TMPRSS15: variants seen among roughly 807,000 people sequenced by gnomAD.
The protein encoded by TMPRSS15 is enteropeptidase.
A neutral mutation model predicts 125.3 loss-of-function variants in TMPRSS15; 128 were observed. That is an observed-to-expected ratio of 1.02 (90% CI 0.89 to 1.18). TMPRSS15 has a LOEUF of 1.18. TMPRSS15 is among the 50% of genes most tolerant of loss of function. The pLI, the probability that TMPRSS15 is intolerant of heterozygous loss-of-function variation, is 0.00. For missense variants in TMPRSS15, 1,283 were observed against 1,212.7 expected (o/e 1.06, Z -0.86); for synonymous variants, 446 against 423.2 (o/e 1.05, Z -0.66).
rs754490153 is a variant in TMPRSS15 at position 18,372,284 on chromosome 21, A to T, written c.573T>A (p.Cys191Ter). The T allele has an allele frequency of 6.2e-7, 1 of 1,613,510 alleles. No homozygotes were observed. Among genetic ancestry groups the T allele is most frequent in the East Asian group, 2.2e-5 (1 of 44,802 alleles). Reference sequence around the variant, plus strand: ...CTTTTATACACGTTAGAGCATCAGTACAAGGACTTGAACCAGGCAGGCACT... The same window carrying T: ...CTTTTATACACGTTAGAGCATCAGTTCAAGGACTTGAACCAGGCAGGCACT... ...SIECLPGSSP[C>*]TDALTCIKAD... Residue 191 changes from cysteine (C) to a stop codon, truncating the protein, a stop_gained, in exon 6 of 25, where the codon TGT becomes TGA. Transcript: ENST00000284885. LOFTEE classifies it high-confidence loss of function.
At position 18,313,045 on chromosome 21, in the gene TMPRSS15, C is replaced by G. The variant is rs373828613; in HGVS notation, c.2065G>C (p.Gly689Arg). 3.7e-6 allele frequency: 6 copies of G among 1,613,792 alleles called. No individual in the cohort carries two copies. The African/African-American group carries it at 6.7e-5, about 18-fold the overall frequency. Residue 689 changes from glycine to arginine, a missense_variant, in exon 18 of 25, where the codon GGT becomes CGT. By Grantham distance (125) the Gly-to-Arg change is moderately radical. Transcript: ENST00000284885. ...CTCTGGATTCTGAACCGCACTAAAC[C>G]ATTGTTGTTCGTTGTGCCATTGAAA... ...RFFNGTTNNN[G>R]LVRFRIQSIW...
At chr21:18,400,581 C>G (rs189541304) in intron 1 of TMPRSS15, among the ~76,000 whole-genome samples, 143 of 152,100 alleles carry the variant, frequency 9.4e-4, no homozygotes, top group Non-Finnish European at 1.6e-3. Flanking sequence ...AAAATTAACG[C>G]AAGATAAATT....
intron 18 of TMPRSS15, among the ~76,000 whole-genome samples, chr21:18,299,633 GT>G (rs2074943816): frequency 6.6e-6 from 1 of 152,194 alleles, no homozygotes; most frequent in East Asian, 1.9e-4. Context: ...CTTTTCTTGT[GT>G]TTGATCATTT....
Position 18,352,325 on chromosome 21 carries a change from C to T in TMPRSS15, c.1171+578G>A, listed in dbSNP as rs147252646. 4.3e-4 allele frequency among the ~76,000 whole-genome samples: 66 copies of T among 152,116 alleles called. 1 individual carries two copies. The highest frequency in any genetic ancestry group is 1.5e-3 in the African/African-American group (61 of 41,524). ...AATGTACTTAGAAATCACAACCTTG[C>T]CCTATTAGCATGCTTTAGAATCAGA... On this transcript the variant is annotated intron_variant, in intron 10 of 24. Transcript: ENST00000284885.
intron 16 of TMPRSS15, among the ~76,000 whole-genome samples, chr21:18,323,373 G>A (rs1281279696): frequency 1.3e-5 from 2 of 152,134 alleles, no homozygotes; most frequent in Non-Finnish European, 2.9e-5. Flanking sequence ...ATCTTACATG[G>A]CAGCAGGCAA....
upstream of TMPRSS15, among the ~76,000 whole-genome samples, chr21:18,408,067 A>G (rs1030993735): frequency 1.3e-5 from 2 of 152,206 alleles, no homozygotes; most frequent in African/African-American, 4.8e-5. Flanking sequence ...GTGGATTATA[A>G]TTATTTTTGC....
chr21:18,332,886 A>T (rs760612560), intron 13 of TMPRSS15, among the ~76,000 whole-genome samples: 5 of 152,258 alleles, frequency 3.3e-5, no homozygotes, highest in Non-Finnish European at 7.3e-5. Context: ...AAGGTGGTAC[A>T]TATATACCAT....
In TMPRSS15 at chr21:18,403,601, A is replaced by T; in HGVS notation, c.22T>A (p.Ser8Thr). ...GAGCTGAGAGAATGATGCCTAGAAG[A>T]TATGCCTCTTTTCGACCCCATTTTT... MGSKRGI[S>T]SRHHSLSSYE... Residue 8 changes from serine (S) to threonine (T), a missense_variant, in exon 1 of 25, where the codon TCT (serine) becomes ACT (threonine). Transcript: ENST00000284885. The T allele has an allele frequency of 6.2e-7, 1 of 1,614,152 alleles. No homozygotes were observed. Among genetic ancestry groups the T allele is most frequent in the Non-Finnish European group, 8.5e-7 (1 of 1,180,006 alleles).
intron 3 of TMPRSS15, among the ~76,000 whole-genome samples, chr21:18,384,531 A>T (rs934695283): frequency 6.6e-6 from 1 of 152,058 alleles, no homozygotes; most frequent in East Asian, 1.9e-4. Context: ...ACTTTTTTTC[A>T]GTGTAAAGAA....
chr21:18,472,588 CAATA>C (rs1978803617), intron 1 of TMPRSS15, among the ~76,000 whole-genome samples: 1 of 151,686 alleles, frequency 6.6e-6, no homozygotes, highest in African/African-American at 2.4e-5. Context: ...CAAATCACTA[CAATA>C]AATAAACTGC....
intron 21 of TMPRSS15, among the ~76,000 whole-genome samples, chr21:18,290,107 C>T (rs537926512): frequency 5.9e-5 from 9 of 152,094 alleles, no homozygotes; most frequent in African/African-American, 2.2e-4. Context: ...ACATCAATAG[C>T]TTGTGGATAA....
chr21:18,396,211 T>A (rs189283031), intron 3 of TMPRSS15, among the ~76,000 whole-genome samples: 13 of 152,324 alleles, frequency 8.5e-5, no homozygotes, highest in Admixed American at 7.8e-4. Flanking sequence ...CCTTTTCCAT[T>A]GCATCTTGAG....
intron 1 of TMPRSS15, among the ~76,000 whole-genome samples, chr21:18,413,166 G>T (rs1300688760): frequency 6.6e-6 from 1 of 151,972 alleles, no homozygotes; most frequent in Non-Finnish European, 1.5e-5. Flanking sequence ...AAATTTAAGT[G>T]TAATTCATAA....
At chr21:18,271,338 G>C (rs1368842889) in intron 24 of TMPRSS15, among the ~76,000 whole-genome samples, 1 of 152,158 alleles carries the variant, frequency 6.6e-6, no homozygotes, top group South Asian at 2.1e-4. Flanking sequence ...TTTTTAAAAG[G>C]AGTAACTTGT....
intron 23 of TMPRSS15, among the ~76,000 whole-genome samples, chr21:18,278,444 G>C (rs1025615714): frequency 6.6e-6 from 1 of 152,044 alleles, no homozygotes; most frequent in Non-Finnish European, 1.5e-5. Flanking sequence ...TATAGGCTGG[G>C]CGCGGTGGCT....
intron 10 of TMPRSS15, among the ~76,000 whole-genome samples, chr21:18,351,013 CCATA>C (rs2075563253): frequency 6.6e-6 from 1 of 151,674 alleles, no homozygotes; most frequent in African/African-American, 2.4e-5. Flanking sequence ...GTGTGATGAA[CCATA>C]TTTTGATATT....
At chr21:18,333,274 A>G (rs558471680) in intron 13 of TMPRSS15, among the ~76,000 whole-genome samples, 3 of 152,328 alleles carry the variant, frequency 2.0e-5, no homozygotes, top group African/African-American at 7.2e-5. Flanking sequence ...AAAAAAAAAT[A>G]GATAAGAACT....
At chr21:18,485,376 AT>A (rs1473043588) in intron 1 of TMPRSS15, among the ~76,000 whole-genome samples, 2 of 151,776 alleles carry the variant, frequency 1.3e-5, no homozygotes, top group Non-Finnish European at 2.9e-5. Flanking sequence ...GATAGTAAAT[AT>A]TTTTTTCATC....
At chr21:18,298,984 G>T (rs2074936302) in intron 18 of TMPRSS15, among the ~76,000 whole-genome samples, 2 of 152,158 alleles carry the variant, frequency 1.3e-5, no homozygotes, top group Admixed American at 6.5e-5. Flanking sequence ...TCTACTGAAC[G>T]TAGAGCTGGG....
Sources: gnomAD v4.1 joint callset for allele counts (sites outside exome capture counted in the v4.1 genomes callset) on GRCh38, gnomAD v4.1.1 for gene constraint, MANE v1.5 for transcripts, NCBI Gene and HGNC (gene_info 2026-07-23, HGNC 2026-07-21) for gene names.